Variants in TPGS2 observed in about 807,000 individuals in gnomAD.
The protein encoded by TPGS2 is polyglutamylase subunit 2.
A neutral mutation model predicts 31.1 loss-of-function variants in TPGS2; 26 were observed. That is an observed-to-expected ratio of 0.84 (90% CI 0.61 to 1.16). The LOEUF is 1.16. TPGS2 is among the 50% of genes most tolerant of loss of function. The pLI, the probability that TPGS2 is intolerant of heterozygous loss-of-function variation, is 0.00. For synonymous variants in TPGS2, 130 were observed against 136.6 expected (o/e 0.95, Z 0.34); for missense variants, 351 against 363.8 (o/e 0.96, Z 0.29).
chr18:36,797,770 C>A (rs1394658812), intron 6 of TPGS2, among the ~76,000 whole-genome samples: 1 of 151,632 alleles, frequency 6.6e-6, no homozygotes, highest in Admixed American at 6.6e-5. Flanking sequence ...TTTTTCCAGC[C>A]ACACTTGGTG....
At chr18:36,800,720 C>T (rs1321158915) in intron 4 of TPGS2, among the ~76,000 whole-genome samples, 4 of 149,362 alleles carry the variant, frequency 2.7e-5, no homozygotes, top group Non-Finnish European at 5.9e-5. Flanking sequence ...GATGGAGTCT[C>T]ACTCTGTTGC....
intron 1 of TPGS2, among the ~76,000 whole-genome samples, chr18:36,824,898 G>C (rs1478959864): frequency 6.6e-6 from 1 of 151,932 alleles, no homozygotes; most frequent in African/African-American, 2.4e-5. Context: ...TTATGCTTTT[G>C]TGATATGTAA....
intron 1 of TPGS2, chr18:36,821,030 C>T (rs1230829655): frequency 6.6e-6 from 1 of 152,164 alleles, no homozygotes; most frequent in African/African-American, 2.4e-5. Context: ...TGGGTGCTGT[C>T]AATTCCTTCC....
downstream of TPGS2, among the ~76,000 whole-genome samples, chr18:36,790,458 G>A (rs2044270923): frequency 6.6e-6 from 1 of 152,162 alleles, no homozygotes; most frequent in Non-Finnish European, 1.5e-5. Flanking sequence ...ATTGGACAAG[G>A]CCTGGGTGCT....
rs2044462910 is a variant in TPGS2, at chr18:36,795,017, A to ATATT, written c.*1784_*1787dup. On this transcript the variant is annotated 3_prime_UTR_variant, in exon 7 of 7. Transcript: ENST00000334295. Reference sequence around the variant, plus strand: ...TGCTCCCAAAGACTCTTAAGCGCTGATATTTCAAGACTTTGAACTATTACA... The same window carrying ATATT: ...TGCTCCCAAAGACTCTTAAGCGCTGATATTTATTTCAAGACTTTGAACTATTACA... The ATATT allele has an allele frequency of 2.0e-6, 2 of 985,442 alleles. No individual in the cohort carries two copies. The highest frequency in any genetic ancestry group is 2.4e-6 in the Non-Finnish European group (2 of 829,940). 61.0% of individuals were successfully genotyped at this position (985,442 alleles called of 1,614,324 possible).
At chr18:36,825,932 G>T (rs1401258160) in intron 1 of TPGS2, among the ~76,000 whole-genome samples, 1 of 152,074 alleles carries the variant, frequency 6.6e-6, no homozygotes, top group African/African-American at 2.4e-5. Context: ...CCATAAACAT[G>T]GTATGTCTTC....
intron 6 of TPGS2, chr18:36,798,026 C>A (rs1481341936): frequency 5.5e-6 from 2 of 363,892 alleles, no homozygotes; most frequent in African/African-American, 4.3e-5. Context: ...AGTGTGCATG[C>A]ATGCTTTATG....
chr18:36,792,682 TG>T (rs767929162), downstream of TPGS2, among the ~76,000 whole-genome samples: 25 of 152,314 alleles, frequency 1.6e-4, no homozygotes, highest in Non-Finnish European at 2.4e-4. Context: ...GAGGGGGATC[TG>T]GGTATCTTAC....
Position 36,794,726 on chromosome 18 carries a change from T to G in TPGS2, c.*2079A>C. On this transcript the variant is annotated 3_prime_UTR_variant, in exon 7 of 7. Transcript: ENST00000334295. ...GTCTCTCTATATCCTTTTCTGCCAC[T>G]CCATGAATTGTTGCACATTTATAAA... 1 of 985,312 alleles carries G rather than the reference T, an allele frequency of 1.0e-6. No individual in the cohort carries two copies. Among genetic ancestry groups the G allele is most frequent in the African/African-American group, 1.7e-5 (1 of 57,302 alleles). The allele number at this position is 985,312 out of a possible 1,614,324, so 61.0% of individuals were successfully genotyped here. A position where few individuals can be genotyped will look rare whatever the true frequency, so the allele number is the denominator to read the frequency against.
intron 3 of TPGS2, among the ~76,000 whole-genome samples, chr18:36,806,580 C>T (rs2045144514): frequency 6.6e-6 from 1 of 151,982 alleles, no homozygotes; most frequent in African/African-American, 2.4e-5. Flanking sequence ...TGGCTGGGTG[C>T]GGTGCCTCAC....
Position 36,796,837 on chromosome 18 carries a change from AG to A in TPGS2, c.870del (p.Ser291ProfsTer32), listed in dbSNP as rs1568000421. 6.3e-7 allele frequency: 1 copy of A among 1,599,862 alleles called. No individual in the cohort carries two copies. The highest frequency in any genetic ancestry group is 2.2e-5 in the East Asian group (1 of 44,730). Reference sequence around the variant, plus strand: ...CGGGTGGGGTTTCCAGAGCCAGAGGAGGATTTAGAAGTGGAGGAAGTGGAGG... The same window carrying A: ...CGGGTGGGGTTTCCAGAGCCAGAGGAGATTTAGAAGTGGAGGAAGTGGAGG... The part of the protein sequence containing the change: ...SGPSTSSTSK[S>X]SSGSGNPTRK On this transcript the variant is annotated frameshift_variant, in exon 7 of 7. Transcript: ENST00000334295. LOFTEE classifies it high-confidence loss of function.
Position 36,795,204 on chromosome 18 carries a change from T to G in TPGS2, c.*1601A>C, listed in dbSNP as rs2044472454. 1.0e-6 allele frequency: 1 copy of G among 985,236 alleles called. No homozygotes were observed. Among genetic ancestry groups the G allele is most frequent in the Non-Finnish European group, 1.2e-6 (1 of 829,948 alleles). 61.0% of individuals were successfully genotyped at this position (985,236 alleles called of 1,614,324 possible). On this transcript the variant is annotated 3_prime_UTR_variant, in exon 7 of 7. Transcript: ENST00000334295. The stretch of plus-strand genomic sequence containing the variant: ...TTGTCAACAATCAAAATAAACATGT[T>G]TCAGAGCAAAAGTGCATGTGGAGAA...
chr18:36,792,027 CAA>C (rs754114446), downstream of TPGS2, among the ~76,000 whole-genome samples: 857 of 83,900 alleles, frequency 0.01, 10 homozygotes, highest in African/African-American at 0.031. Flanking sequence ...GACCCTGTCT[CAA>C]AAAAAAAAAA....
At position 36,809,702 on chromosome 18, in the gene TPGS2, C is replaced by T. The variant is rs191128552; in HGVS notation, c.166-1768G>A. 9.8e-4 allele frequency among the ~76,000 whole-genome samples: 149 copies of T among 152,290 alleles called. 1 individual carries two copies. Among genetic ancestry groups the T allele is most frequent in the Non-Finnish European group, 9.6e-4 (65 of 68,030 alleles). Reference sequence around the variant, plus strand: ...ACCAGTGTTCTGCAAGGTCCTTGCTCCTCTCGTCGCCCCAAAAGGACAGCA... The same window carrying T: ...ACCAGTGTTCTGCAAGGTCCTTGCTTCTCTCGTCGCCCCAAAAGGACAGCA... On this transcript the variant is annotated intron_variant, in intron 2 of 6. Coordinates refer to ENST00000334295, the MANE Select transcript of TPGS2 (RefSeq NM_015476.4).
chr18:36,804,123 C>T (rs910420270), intron 4 of TPGS2, among the ~76,000 whole-genome samples: 3 of 152,142 alleles, frequency 2.0e-5, no homozygotes, highest in African/African-American at 4.8e-5. Context: ...CCACTGCTCC[C>T]GGCTTACTGT....
rs181886498 is a variant in TPGS2 at position 36,827,752 on chromosome 18, C to T, written c.85+931G>A. ...ATCTCCTCTGTGACATGTTCTTTAA[C>T]TTCCCTGGTAAGATCAGTCCCCTCC... On this transcript the variant is annotated intron_variant, in intron 1 of 6. Coordinates refer to ENST00000334295, the MANE Select transcript of TPGS2 (RefSeq NM_015476.4). Among the ~76,000 whole-genome samples the T allele has an allele frequency of 1.4e-4, 21 of 152,332 alleles. No homozygotes were observed. The East Asian group carries it at 4.0e-3, about 29-fold the overall frequency.
rs184312121 is a variant in TPGS2 at position 36,800,375 on chromosome 18, C to G, written c.383-64G>C. On this transcript the variant is annotated intron_variant, in intron 4 of 6. Transcript: ENST00000334295. The stretch of plus-strand genomic sequence containing the variant: ...TCAACTCAAACACATACCTATATAT[C>G]CAACTTTGCTAGGTGGAAAAAACAG... 3 of 1,399,398 alleles carry G rather than the reference C, an allele frequency of 2.1e-6. No individual in the cohort carries two copies. In the Admixed American group the frequency reaches 5.2e-5, roughly 24 times the overall value. 86.7% of individuals were successfully genotyped at this position (1,399,398 alleles called of 1,614,324 possible). A position where few individuals can be genotyped will look rare whatever the true frequency, so the allele number is the denominator to read the frequency against.
downstream of TPGS2, among the ~76,000 whole-genome samples, chr18:36,792,027 CA>C (rs754114446): frequency 0.042 from 3,516 of 83,950 alleles, 64 homozygotes; most frequent in African/African-American, 0.1. Flanking sequence ...GACCCTGTCT[CA>C]AAAAAAAAAA....
intron 6 of TPGS2, chr18:36,787,076 T>G: frequency 8.1e-7 from 1 of 1,232,826 alleles, no homozygotes; most frequent in Non-Finnish European, 1.0e-6. Context: ...ATATTATAAG[T>G]TATCTGGTGC....
Sources: gnomAD v4.1 joint callset for allele counts (sites outside exome capture counted in the v4.1 genomes callset) on GRCh38, gnomAD v4.1.1 for gene constraint, MANE v1.5 for transcripts, NCBI Gene and HGNC (gene_info 2026-07-23, HGNC 2026-07-21) for gene names.